Variants in XKR9 observed in about 807,000 individuals in gnomAD.
The protein encoded by XKR9 is XK related 9.
In XKR9, 32 loss-of-function variants were observed where a neutral mutation model predicts 32.0. The observed-to-expected ratio is 1.00, with a 90% CI of 0.76 to 1.34. The LOEUF (loss-of-function observed/expected upper bound fraction) is 1.34. Ranked by LOEUF, XKR9 falls within the 40% of genes most tolerant of loss-of-function variation. The probability of loss-of-function intolerance (pLI) is 0.00; values close to 1 mark genes in which losing one functional copy is unlikely to be tolerated. For missense variants in XKR9, 546 were observed against 429.7 expected (o/e 1.27, Z -2.39); for synonymous variants, 168 against 143.4 (o/e 1.17, Z -1.22).
the XKR9 span, among the ~76,000 whole-genome samples, chr8:70,880,472 C>T: frequency 5.0e-4 from 76 of 152,222 alleles, no homozygotes; most frequent in East Asian, 0.014. Flanking sequence ...TTCTTATACA[C>T]CATTAACAGA....
intron 3 of XKR9, among the ~76,000 whole-genome samples, chr8:70,699,963 A>G (rs1291578771): frequency 5.9e-5 from 9 of 152,090 alleles, no homozygotes; most frequent in Non-Finnish European, 2.9e-5. Flanking sequence ...CCTTTCTTCC[A>G]GTTGATCGCA....
downstream of XKR9, among the ~76,000 whole-genome samples, chr8:70,793,843 C>T (rs1807795608): frequency 6.6e-6 from 1 of 151,630 alleles, no homozygotes; most frequent in Non-Finnish European, 1.5e-5. Context: ...TTTGGAACTC[C>T]TATAATTTCG....
At chr8:70,755,761 G>C in intron 2 of XKR9, among the ~76,000 whole-genome samples, 1 of 145,450 alleles carries the variant, frequency 6.9e-6, no homozygotes, top group Non-Finnish European at 1.5e-5. Flanking sequence ...GACTGTTGTG[G>C]GGTGGGGGGA....
At chr8:70,672,451 T>C (rs1455333434) in intron 1 of XKR9, among the ~76,000 whole-genome samples, 1 of 152,264 alleles carries the variant, frequency 6.6e-6, no homozygotes, top group African/African-American at 2.4e-5. Context: ...TTATTGTGTG[T>C]ATATATCACA....
the XKR9 span, among the ~76,000 whole-genome samples, chr8:71,037,279 A>C: frequency 6.6e-6 from 1 of 152,208 alleles, no homozygotes; most frequent in Admixed American, 6.5e-5. Context: ...AAATATAATT[A>C]AAATCATATT....
the XKR9 span, among the ~76,000 whole-genome samples, chr8:70,911,562 A>G: frequency 6.6e-6 from 1 of 152,228 alleles, no homozygotes; most frequent in Non-Finnish European, 1.5e-5. Context: ...ATATTTCTCT[A>G]GCACTTATCA....
At chr8:71,043,633 A>G in the XKR9 span, among the ~76,000 whole-genome samples, 1 of 152,212 alleles carries the variant, frequency 6.6e-6, no homozygotes, top group East Asian at 1.9e-4. Flanking sequence ...AGTTTCAACA[A>G]AGAATTGCTG....
chr8:70,989,686 T>C, the XKR9 span, among the ~76,000 whole-genome samples: 1 of 152,210 alleles, frequency 6.6e-6, no homozygotes, highest in African/African-American at 2.4e-5. Flanking sequence ...TAAAAATATA[T>C]ATAACAAAAT....
chr8:70,807,781 C>A, the XKR9 span, among the ~76,000 whole-genome samples: 2 of 152,158 alleles, frequency 1.3e-5, no homozygotes, highest in African/African-American at 4.8e-5. Context: ...TAGAAACCTA[C>A]AAGGAGACCT....
At chr8:70,834,278 GTTCA>G in the XKR9 span, among the ~76,000 whole-genome samples, 2 of 151,968 alleles carry the variant, frequency 1.3e-5, no homozygotes, top group Non-Finnish European at 2.9e-5. Context: ...AGAAGCTTTA[GTTCA>G]TTCATTTTCA....
chr8:70,688,630 ATGGTCTTG>A (rs1819394441), intron 3 of XKR9, among the ~76,000 whole-genome samples: 1 of 151,350 alleles, frequency 6.6e-6, no homozygotes, highest in South Asian at 2.1e-4. Context: ...GTTAGCCAGG[ATGGTCTTG>A]ATCTCCTGAC....
chr8:70,798,346 T>A, the XKR9 span, among the ~76,000 whole-genome samples: 2 of 152,178 alleles, frequency 1.3e-5, no homozygotes, highest in African/African-American at 4.8e-5. Flanking sequence ...TTTGTCACAT[T>A]TGCCTTCTTT....
chr8:70,755,066 A>T (rs956581374), intron 2 of XKR9, among the ~76,000 whole-genome samples: 1 of 152,196 alleles, frequency 6.6e-6, no homozygotes, highest in African/African-American at 2.4e-5. Context: ...CAAATTTACA[A>T]GAAAAAAACA....
chr8:70,779,911 G>C (rs1449574350), intron 2 of XKR9, among the ~76,000 whole-genome samples: 2 of 151,994 alleles, frequency 1.3e-5, no homozygotes, highest in African/African-American at 4.8e-5. Context: ...CCAGCTCTTG[G>C]ATTCATTGAT....
At chr8:70,865,515 A>G in the XKR9 span, among the ~76,000 whole-genome samples, 1 of 151,214 alleles carries the variant, frequency 6.6e-6, no homozygotes, top group Non-Finnish European at 1.5e-5. Context: ...GTATTTTTTT[A>G]ATTTTCAATT....
At chr8:70,840,958 G>T in the XKR9 span, among the ~76,000 whole-genome samples, 1 of 152,112 alleles carries the variant, frequency 6.6e-6, no homozygotes, top group Non-Finnish European at 1.5e-5. Context: ...TAAAAATTTT[G>T]AGTCTAAATT....
chr8:70,979,577 A>G, the XKR9 span, among the ~76,000 whole-genome samples: 1 of 152,218 alleles, frequency 6.6e-6, no homozygotes, highest in Non-Finnish European at 1.5e-5. Context: ...AGGCTGTAGA[A>G]TAGCAAATAT....
rs913563524 is a variant in XKR9, at chr8:70,734,897, G to A, written c.*473G>A. Reference sequence around the variant, plus strand: ...AGGGAAAGCAGAAAACAAATTTTTAGCATCTGCTGTGCTTTCATCCATGAA... The same window carrying A: ...AGGGAAAGCAGAAAACAAATTTTTAACATCTGCTGTGCTTTCATCCATGAA... On this transcript the variant is annotated 3_prime_UTR_variant, in exon 5 of 5. Coordinates refer to ENST00000408926, the MANE Select transcript of XKR9 (RefSeq NM_001011720.2). 4 of 152,422 alleles carry A rather than the reference G, an allele frequency of 2.6e-5. No individual in the cohort carries two copies. Among genetic ancestry groups the A allele is most frequent in the African/African-American group, 7.2e-5 (3 of 41,450 alleles). The allele number at this position is 152,422 out of a possible 1,614,324, so 9.4% of individuals were successfully genotyped here. A position where few individuals can be genotyped will look rare whatever the true frequency, so the allele number is the denominator to read the frequency against.
the XKR9 span, among the ~76,000 whole-genome samples, chr8:70,984,794 A>G: frequency 2.6e-5 from 4 of 152,226 alleles, no homozygotes; most frequent in Non-Finnish European, 5.9e-5. Context: ...GTTGAGAACT[A>G]AAAAAATATT....
Sources: allele counts gnomAD v4.1 joint callset (sites outside exome capture counted in the v4.1 genomes callset), GRCh38; gene constraint gnomAD v4.1.1; transcripts MANE v1.5; gene names NCBI Gene and HGNC (gene_info 2026-07-23, HGNC 2026-07-21).